Variants in PHKB observed in about 807,000 individuals in gnomAD.
The protein encoded by PHKB is phosphorylase kinase regulatory subunit beta, also known as phosphorylase b kinase regulatory subunit beta.
Under a neutral mutation model 152.1 loss-of-function variants are expected in PHKB, and 122 were observed. The observed-to-expected ratio is 0.80, with a 90% CI of 0.69 to 0.93. The LOEUF (loss-of-function observed/expected upper bound fraction) is 0.93. Ranked by LOEUF, PHKB falls within the 40% of genes least tolerant of loss-of-function variation. PHKB has a pLI of 0.00. For synonymous variants in PHKB, 436 were observed against 464.9 expected, an observed-to-expected ratio of 0.94 and a Z score of 0.80; for missense variants, 1,304 against 1,328.4, an observed-to-expected ratio of 0.98 and a Z score of 0.29.
Position 47,463,829 on chromosome 16 carries a change from C to T in PHKB, c.76+2403C>T, listed in dbSNP as rs911409756. ...ATACTGCATCATGTTAATAACTGCT[C>T]ACACTGCTTTCAATTAATTTAACAC... On this transcript the variant is annotated intron_variant, in intron 1 of 30. Coordinates refer to ENST00000323584, the MANE Select transcript of PHKB (RefSeq NM_000293.3). The T allele has an allele frequency of 8.2e-5, 86 of 1,050,142 alleles. No individual in the cohort carries two copies. The South Asian group carries it at 1.1e-3, about 13-fold the overall frequency. The allele number at this position is 1,050,142 out of a possible 1,614,324, so 65.1% of individuals were successfully genotyped here. A position where few individuals can be genotyped will look rare whatever the true frequency, so the allele number is the denominator to read the frequency against.
chr16:47,680,447 G>T (rs1004513732), intron 26 of PHKB, among the ~76,000 whole-genome samples: 12 of 152,112 alleles, frequency 7.9e-5, no homozygotes, highest in African/African-American at 2.9e-4. Flanking sequence ...CAATTTCAGA[G>T]CCTGTTATTA....
chr16:47,626,642 A>G (rs1055585985), intron 14 of PHKB, among the ~76,000 whole-genome samples: 3 of 152,244 alleles, frequency 2.0e-5, no homozygotes, highest in Admixed American at 1.3e-4. Flanking sequence ...AAGTCAGTCC[A>G]GAAACAGAGA....
At chr16:47,566,786 TGGTTTGGAAACA>T (rs1019409364) in intron 7 of PHKB, 24 of 736,236 alleles carry the variant, frequency 3.3e-5, no homozygotes, top group Middle Eastern at 3.8e-4. Context: ...CCCAGCTGAC[TGGTTTGGAAACA>T]TAAGTGCTTC....
At chr16:47,540,694 G>A (rs1043166653) in intron 6 of PHKB, among the ~76,000 whole-genome samples, 1 of 151,734 alleles carries the variant, frequency 6.6e-6, no homozygotes, top group Non-Finnish European at 1.5e-5. Flanking sequence ...AAATACTGGG[G>A]ACAGGTTCCC....
chr16:47,659,864 A>C (rs1027336345), intron 20 of PHKB, among the ~76,000 whole-genome samples: 1 of 152,042 alleles, frequency 6.6e-6, no homozygotes, highest in Non-Finnish European at 1.5e-5. Context: ...TATTTTATTT[A>C]TTTATTTATT....
intron 6 of PHKB, among the ~76,000 whole-genome samples, chr16:47,520,968 ATTC>A (rs1399551720): frequency 6.6e-6 from 1 of 152,030 alleles, no homozygotes; most frequent in Non-Finnish European, 1.5e-5. Flanking sequence ...TTAATACATT[ATTC>A]TTTCATTCTT....
chr16:47,638,216 A>G (rs1972956257), intron 14 of PHKB, among the ~76,000 whole-genome samples: 1 of 152,214 alleles, frequency 6.6e-6, no homozygotes, highest in Admixed American at 6.5e-5. Flanking sequence ...AACTAGCCAT[A>G]TAAAAAAATA....
chr16:47,677,011 G>A (rs909499376), intron 26 of PHKB, among the ~76,000 whole-genome samples: 10 of 152,274 alleles, frequency 6.6e-5, no homozygotes, highest in Admixed American at 3.9e-4. Flanking sequence ...GCCCAAAACC[G>A]TATCTGTGGA....
chr16:47,495,049 T>C (rs528130555), intron 1 of PHKB, among the ~76,000 whole-genome samples: 2 of 152,308 alleles, frequency 1.3e-5, no homozygotes, highest in Admixed American at 6.5e-5. Flanking sequence ...TCTTTGAATG[T>C]ATAATTTAGA....
At chr16:47,469,721 G>A (rs1969730747) in intron 1 of PHKB, among the ~76,000 whole-genome samples, 1 of 152,066 alleles carries the variant, frequency 6.6e-6, no homozygotes, top group South Asian at 2.1e-4. Flanking sequence ...ATATACCCAG[G>A]TAACAAACTT....
intron 1 of PHKB, chr16:47,463,943 C>T (rs1969621034): frequency 3.1e-6 from 5 of 1,614,032 alleles, no homozygotes; most frequent in Non-Finnish European, 3.4e-6. Context: ...TTTGAAATGG[C>T]CTGCTCACCT....
chr16:47,661,169 T>C (rs1199607770), intron 22 of PHKB, among the ~76,000 whole-genome samples: 1 of 152,102 alleles, frequency 6.6e-6, no homozygotes. Context: ...TGCCCCAGTG[T>C]TTAGGTCTAA....
intron 14 of PHKB, among the ~76,000 whole-genome samples, chr16:47,622,557 G>A (rs977698190): frequency 6.6e-6 from 1 of 152,180 alleles, no homozygotes; most frequent in African/African-American, 2.4e-5. Flanking sequence ...GAATTATTAT[G>A]ATAGAGCAGA....
Position 47,511,539 on chromosome 16 carries a change from CT to C in PHKB, c.406-125del, listed in dbSNP as rs1470657850. 9 of 709,534 alleles carry C rather than the reference CT, an allele frequency of 1.3e-5. No individual in the cohort carries two copies. In the East Asian group the frequency reaches 2.4e-4, roughly 19 times the overall value. The allele number at this position is 709,534 out of a possible 1,614,324, so 44.0% of individuals were successfully genotyped here. ...TTTTTCTTGAGAAAAGGTAACGTTT[CT>C]GCTTTGTTCGGTCCTCTGCCTTAGC... On this transcript the variant is annotated intron_variant, in intron 4 of 30. Coordinates refer to ENST00000323584, the MANE Select transcript of PHKB (RefSeq NM_000293.3).
At chr16:47,535,505 C>G (rs187694791) in intron 6 of PHKB, among the ~76,000 whole-genome samples, 3 of 152,230 alleles carry the variant, frequency 2.0e-5, no homozygotes, top group Non-Finnish European at 4.4e-5. Flanking sequence ...AGTTACTATA[C>G]AGTTTGGTTA....
intron 1 of PHKB, among the ~76,000 whole-genome samples, chr16:47,485,835 G>T (rs1209563653): frequency 6.6e-6 from 1 of 151,814 alleles, no homozygotes; most frequent in African/African-American, 2.4e-5. Context: ...TGCCAAGGCC[G>T]ATCTGGGACT....
At chr16:47,534,236 A>ATTT (rs1970913349) in intron 6 of PHKB, among the ~76,000 whole-genome samples, 1 of 152,208 alleles carries the variant, frequency 6.6e-6, no homozygotes, top group South Asian at 2.1e-4. Context: ...CTTTCTTACT[A>ATTT]GGGTACCACA....
intron 26 of PHKB, among the ~76,000 whole-genome samples, chr16:47,673,828 A>G (rs1170878024): frequency 1.3e-5 from 2 of 152,194 alleles, no homozygotes; most frequent in Non-Finnish European, 2.9e-5. Flanking sequence ...TTTAATCCCT[A>G]CAACAACTTT....
intron 14 of PHKB, among the ~76,000 whole-genome samples, chr16:47,621,119 G>T (rs1206837815): frequency 6.6e-6 from 1 of 152,164 alleles, no homozygotes. Context: ...CTGGAGTGTA[G>T]TTCTCTAATC....
Sources: allele counts gnomAD v4.1 joint callset (sites outside exome capture counted in the v4.1 genomes callset), GRCh38; gene constraint gnomAD v4.1.1; transcripts MANE v1.5; gene names NCBI Gene and HGNC (gene_info 2026-07-23, HGNC 2026-07-21).